The following PLEKHM3 variants were observed in gnomAD, a reference collection of about 807,000 sequenced individuals.
PLEKHM3 encodes pleckstrin homology domain-containing family M member 3.
In PLEKHM3, 45 loss-of-function variants were observed where a neutral mutation model predicts 81.8. That is an observed-to-expected ratio of 0.55 (90% CI 0.43 to 0.71). The LOEUF is 0.71. Among genes scored for constraint, PLEKHM3 ranks in the 30% least tolerant of loss-of-function variants. PLEKHM3 has a pLI of 0.00. For synonymous variants in PLEKHM3, 352 were observed against 356.4 expected (o/e 0.99, Z 0.14); for missense variants, 788 against 924.3 (o/e 0.85, Z 1.91).
rs113987196 is a variant in PLEKHM3, at chr2:207,923,568, T to C, written c.1886+7358A>G. ...GTTGCGGTGAGCCGAGATGGCACCA[T>C]TGCACTCCAGCCTGGGTGACAAGAG... On this transcript the variant is annotated intron_variant, in intron 5 of 7. Coordinates refer to ENST00000427836, the MANE Select transcript of PLEKHM3 (RefSeq NM_001080475.3). 5.9e-3 allele frequency among the ~76,000 whole-genome samples: 897 copies of C among 151,786 alleles called. 13 individuals are homozygous for C. The highest frequency in any genetic ancestry group is 0.021 in the African/African-American group (855 of 41,382).
chr2:207,955,170 G>A (rs1327628063), intron 3 of PLEKHM3, among the ~76,000 whole-genome samples: 1 of 152,166 alleles, frequency 6.6e-6, no homozygotes, highest in Non-Finnish European at 1.5e-5. Context: ...GACTTGAGTT[G>A]TTGAGTTACT....
At chr2:207,923,437 G>T (rs1689253023) in intron 5 of PLEKHM3, among the ~76,000 whole-genome samples, 1 of 151,948 alleles carries the variant, frequency 6.6e-6, no homozygotes, top group Non-Finnish European at 1.5e-5. Context: ...GAGAAACCCT[G>T]TCTCTACAAA....
rs78471623 is a variant in PLEKHM3, at chr2:207,842,711, T to C, written c.2109-14215A>G. Among the ~76,000 whole-genome samples the C allele has an allele frequency of 2.8e-3, 421 of 152,302 alleles. 4 individuals are homozygous for C. The highest frequency in any genetic ancestry group is 4.4e-3 in the East Asian group (23 of 5,190). On this transcript the variant is annotated intron_variant, in intron 7 of 7. Coordinates refer to ENST00000427836, the MANE Select transcript of PLEKHM3 (RefSeq NM_001080475.3). ...ATTGGTAAATGTTGGATGGAACCGA[T>C]AGTCACAATAATAAGAATAGTTCTG...
intron 1 of PLEKHM3, among the ~76,000 whole-genome samples, chr2:208,024,654 C>T (rs754438315): frequency 1.1e-4 from 16 of 152,056 alleles, no homozygotes; most frequent in Non-Finnish European, 1.6e-4. Flanking sequence ...CAACTCACTA[C>T]GATTACTTAA....
At chr2:207,906,631 A>G (rs1245425056) in intron 6 of PLEKHM3, among the ~76,000 whole-genome samples, 1 of 152,148 alleles carries the variant, frequency 6.6e-6, no homozygotes, top group African/African-American at 2.4e-5. Flanking sequence ...TCTAGTAAAA[A>G]TGCAAAAATT....
intron 6 of PLEKHM3, among the ~76,000 whole-genome samples, chr2:207,899,625 G>T (rs535713486): frequency 2.0e-5 from 3 of 152,130 alleles, no homozygotes; most frequent in Non-Finnish European, 4.4e-5. Context: ...TCAATTCCTC[G>T]TTCTTGCACC....
intron 5 of PLEKHM3, among the ~76,000 whole-genome samples, chr2:207,924,338 T>A (rs1274687338): frequency 6.6e-6 from 1 of 152,086 alleles, no homozygotes; most frequent in African/African-American, 2.4e-5. Context: ...CACCTTATAG[T>A]CAGTGTCGAT....
intron 7 of PLEKHM3, among the ~76,000 whole-genome samples, chr2:207,844,826 G>A (rs956265440): frequency 1.3e-5 from 2 of 152,196 alleles, no homozygotes; most frequent in African/African-American, 4.8e-5. Flanking sequence ...GGGTAGGGCA[G>A]AAAGGGTACT....
intron 5 of PLEKHM3, among the ~76,000 whole-genome samples, chr2:207,926,211 A>C (rs1689388767): frequency 6.6e-6 from 1 of 152,184 alleles, no homozygotes. Context: ...AGAATGAGGG[A>C]AGTTCTGTGT....
intron 3 of PLEKHM3, among the ~76,000 whole-genome samples, chr2:207,966,599 C>A (rs1177681602): frequency 6.6e-6 from 1 of 152,186 alleles, no homozygotes; most frequent in Admixed American, 6.5e-5. Flanking sequence ...GTCGCCCAGG[C>A]TGGAGTACAG....
chr2:207,900,430 A>G, intron 6 of PLEKHM3: 1 of 152,414 alleles, frequency 6.6e-6, no homozygotes, highest in Non-Finnish European at 1.5e-5. Context: ...CCATAGTCAC[A>G]GACCTGCCCA....
chr2:207,846,142 CTTTTTGT>C, intron 7 of PLEKHM3, among the ~76,000 whole-genome samples: 2 of 152,180 alleles, frequency 1.3e-5, no homozygotes, highest in South Asian at 2.1e-4. Context: ...GTCCAGTGAT[CTTTTTGT>C]TTTTTGTTTT....
intron 5 of PLEKHM3, among the ~76,000 whole-genome samples, chr2:207,923,791 A>G (rs1689266351): frequency 6.8e-6 from 1 of 147,576 alleles, no homozygotes; most frequent in Non-Finnish European, 1.5e-5. Flanking sequence ...TAATGTCATG[A>G]TTAACTGAAA....
chr2:207,949,551 ATTT>A (rs992424346), intron 3 of PLEKHM3, among the ~76,000 whole-genome samples: 1 of 152,156 alleles, frequency 6.6e-6, no homozygotes, highest in Non-Finnish European at 1.5e-5. Flanking sequence ...AAAGAAAAAA[ATTT>A]TTTAAAAAGA....
At chr2:207,890,921 G>T (rs1012576877) in intron 6 of PLEKHM3, among the ~76,000 whole-genome samples, 1 of 152,098 alleles carries the variant, frequency 6.6e-6, no homozygotes, top group African/African-American at 2.4e-5. Flanking sequence ...ATTTGAAAAA[G>T]CACTTTTATT....
intron 5 of PLEKHM3, among the ~76,000 whole-genome samples, chr2:207,923,365 T>G (rs1194275977): frequency 6.6e-6 from 1 of 152,066 alleles, no homozygotes; most frequent in Non-Finnish European, 1.5e-5. Flanking sequence ...CCCAGTACTT[T>G]GGGAGGCGGA....
At chr2:207,962,256 A>G (rs375788321) in intron 3 of PLEKHM3, among the ~76,000 whole-genome samples, 26 of 152,190 alleles carry the variant, frequency 1.7e-4, no homozygotes, top group African/African-American at 6.3e-4. Flanking sequence ...TGCATGGCCA[A>G]TGATTCAATC....
intron 7 of PLEKHM3, among the ~76,000 whole-genome samples, chr2:207,858,485 A>ATTT (rs59555910): frequency 1.1e-4 from 16 of 141,240 alleles, no homozygotes; most frequent in African/African-American, 4.2e-4. Flanking sequence ...ACTAAACATG[A>ATTT]TTTTTTTTTT....
intron 1 of PLEKHM3, among the ~76,000 whole-genome samples, chr2:208,012,687 T>C (rs976879621): frequency 6.6e-6 from 1 of 152,244 alleles, no homozygotes; most frequent in African/African-American, 2.4e-5. Flanking sequence ...CCTTCTGAGC[T>C]AACTGACATC....
Sources: allele counts gnomAD v4.1 joint callset (sites outside exome capture counted in the v4.1 genomes callset), GRCh38; gene constraint gnomAD v4.1.1; transcripts MANE v1.5; gene names NCBI Gene and HGNC (gene_info 2026-07-23, HGNC 2026-07-21).